Variants in FLRT2 observed in about 807,000 individuals in gnomAD.
FLRT2 encodes fibronectin leucine rich transmembrane protein 2.
In FLRT2, 15 loss-of-function variants were observed where a neutral mutation model predicts 40.0. The ratio of observed to expected loss-of-function variants is 0.38; its 90% confidence interval spans 0.25 to 0.58. FLRT2 has a LOEUF of 0.58. FLRT2 is among the 20% of genes least tolerant of loss of function. The pLI is 0.71. For synonymous variants in FLRT2, 380 were observed against 336.8 expected, an observed-to-expected ratio of 1.13 and a Z score of -1.41; for missense variants, 726 against 840.0, an observed-to-expected ratio of 0.86 and a Z score of 1.68.
intron 1 of FLRT2, among the ~76,000 whole-genome samples, chr14:85,535,349 C>CT (rs975910925): frequency 2.9e-5 from 2 of 68,772 alleles, no homozygotes; most frequent in Non-Finnish European, 8.0e-5. Flanking sequence ...TGAAAAGCCC[C>CT]CCCCCAAAAA....
At chr14:85,545,751 G>A (rs924900601) in intron 1 of FLRT2, among the ~76,000 whole-genome samples, 5 of 152,198 alleles carry the variant, frequency 3.3e-5, no homozygotes, top group African/African-American at 4.8e-5. Flanking sequence ...GTGGATACAT[G>A]CCTAATGATT....
rs1400256071 is a variant in FLRT2 at position 85,628,534 on chromosome 14, G to A, written c.*5037G>A. 6.6e-6 allele frequency: 1 copy of A among 152,092 alleles called. No individual in the cohort carries two copies. Among genetic ancestry groups the A allele is most frequent in the South Asian group, 2.1e-4 (1 of 4,820 alleles). The allele number at this position is 152,092 out of a possible 1,614,324, so 9.4% of individuals were successfully genotyped here. A position where few individuals can be genotyped will look rare whatever the true frequency, so the allele number is the denominator to read the frequency against. On this transcript the variant is annotated 3_prime_UTR_variant, in exon 2 of 2. Coordinates refer to ENST00000330753, the MANE Select transcript of FLRT2 (RefSeq NM_013231.6). ...GCACATCTGTCCATCCTTTCAATAG[G>A]CACTCAAGGAAATGTATCTATTCAT...
intron 1 of FLRT2, among the ~76,000 whole-genome samples, chr14:85,594,756 G>T (rs1172971416): frequency 6.6e-6 from 1 of 152,074 alleles, no homozygotes; most frequent in Non-Finnish European, 1.5e-5. Context: ...CTGGAGTTAG[G>T]AACACGGACC....
At chr14:85,577,959 A>G (rs765836802) in intron 1 of FLRT2, among the ~76,000 whole-genome samples, 1 of 151,632 alleles carries the variant, frequency 6.6e-6, no homozygotes, top group African/African-American at 2.4e-5. Context: ...GCCTTTATTC[A>G]GGAAATGGCT....
In FLRT2 at chr14:85,626,768, A is replaced by G. The variant is rs1488393799; in HGVS notation, c.*3271A>G. On this transcript the variant is annotated 3_prime_UTR_variant, in exon 2 of 2. Coordinates refer to ENST00000330753, the MANE Select transcript of FLRT2 (RefSeq NM_013231.6). ...AATAATGCAATTTCTAATTATCTGG[A>G]TGTTCGTTGAAAATATATTAGACAT... 6.0e-6 allele frequency: 1 copy of G among 167,078 alleles called. No homozygotes were observed. Among genetic ancestry groups the G allele is most frequent in the Non-Finnish European group, 1.5e-5 (1 of 68,118 alleles). 10.3% of individuals were successfully genotyped at this position (167,078 alleles called of 1,614,324 possible). A position where few individuals can be genotyped will look rare whatever the true frequency, so the allele number is the denominator to read the frequency against.
chr14:85,605,801 G>A lies in FLRT2; in HGVS notation c.-376-15338G>A, dbSNP rs74331692. ...ATAAATAAATAAAATAAAATAACTT[G>A]TACACAGAAACATCAAATTGGACAT... On this transcript the variant is annotated intron_variant, in intron 1 of 1. Coordinates refer to ENST00000330753, the MANE Select transcript of FLRT2 (RefSeq NM_013231.6). Among the ~76,000 whole-genome samples, 1,466 of 152,062 alleles carry A rather than the reference G, an allele frequency of 9.6e-3. 23 individuals are homozygous for A. The highest frequency in any genetic ancestry group is 0.032 in the African/African-American group (1,344 of 41,478).
intron 1 of FLRT2, among the ~76,000 whole-genome samples, 162 bp from the exon 2 acceptor site, chr14:85,620,977 T>G (rs1365996425): frequency 6.6e-6 from 1 of 152,264 alleles, no homozygotes; most frequent in Non-Finnish European, 1.5e-5. Flanking sequence ...TTGAATACCT[T>G]TTCAAGTAAG....
At position 85,645,498 on chromosome 14, in the gene FLRT2, T is replaced by A. The variant is rs574865657; in HGVS notation, c.*22001T>A. On this transcript the variant is annotated 3_prime_UTR_variant, in exon 2 of 2. Transcript: ENST00000330753. The stretch of plus-strand genomic sequence containing the variant: ...TCCAAGTGAGCAGGTCTTTGAATGG[T>A]ACATCTATTTGTTCACTCTGCTTGG... The A allele has an allele frequency of 1.1e-4, 17 of 152,224 alleles. No individual in the cohort carries two copies. The East Asian group carries it at 3.3e-3, about 30-fold the overall frequency. 9.4% of individuals were successfully genotyped at this position (152,224 alleles called of 1,614,324 possible).
rs1163293443 is a variant in FLRT2 at position 85,638,537 on chromosome 14, G to C, written c.*15040G>C. Reference sequence around the variant, plus strand: ...CAGCTGCAAAAACCCTCCCAAGTAAGCCTCTTGTATGCTACTCTGTCTCAG... The same window carrying C: ...CAGCTGCAAAAACCCTCCCAAGTAACCCTCTTGTATGCTACTCTGTCTCAG... On this transcript the variant is annotated 3_prime_UTR_variant, in exon 2 of 2. Coordinates refer to ENST00000330753, the MANE Select transcript of FLRT2 (RefSeq NM_013231.6). 2.0e-5 allele frequency: 3 copies of C among 152,170 alleles called. No homozygotes were observed. Among genetic ancestry groups the C allele is most frequent in the Admixed American group, 2.0e-4 (3 of 15,260 alleles). The allele number at this position is 152,170 out of a possible 1,614,324, so 9.4% of individuals were successfully genotyped here.
chr14:85,537,504 C>T (rs1441833033), intron 1 of FLRT2, among the ~76,000 whole-genome samples: 1 of 152,082 alleles, frequency 6.6e-6, no homozygotes, highest in Admixed American at 6.6e-5. Flanking sequence ...TTATATCTTT[C>T]TTCTAAAACT....
intron 1 of FLRT2, among the ~76,000 whole-genome samples, chr14:85,588,688 G>T (rs1891748663): frequency 6.6e-6 from 1 of 151,988 alleles, no homozygotes; most frequent in African/African-American, 2.4e-5. Flanking sequence ...TCACCCCGTT[G>T]TGCTGTCAAA....
intron 1 of FLRT2, among the ~76,000 whole-genome samples, chr14:85,580,984 A>AT (rs1352101471): frequency 1.3e-5 from 2 of 152,156 alleles, no homozygotes; most frequent in Non-Finnish European, 2.9e-5. Flanking sequence ...CATAGTGATG[A>AT]TTCAGGTTTC....
At chr14:85,608,430 C>T (rs914371087) in intron 1 of FLRT2, among the ~76,000 whole-genome samples, 16 of 152,080 alleles carry the variant, frequency 1.1e-4, no homozygotes, top group Admixed American at 2.0e-4. Flanking sequence ...GACTGGGTTT[C>T]GCCATTTTGA....
chr14:85,541,185 A>G (rs1421318380), intron 1 of FLRT2, among the ~76,000 whole-genome samples: 2 of 152,226 alleles, frequency 1.3e-5, no homozygotes, highest in Non-Finnish European at 1.5e-5. Flanking sequence ...CAGAAAATAT[A>G]TTTAAGTCTG....
At chr14:85,618,142 C>T (rs752849340) in intron 1 of FLRT2, among the ~76,000 whole-genome samples, 2 of 152,120 alleles carry the variant, frequency 1.3e-5, no homozygotes, top group African/African-American at 2.4e-5. Flanking sequence ...TTGGTTTGCT[C>T]CCAGTGTTAA....
Position 85,622,934 on chromosome 14 carries a change from G to A in FLRT2, c.1420G>A (p.Glu474Lys), listed in dbSNP as rs1292811461. The A allele has an allele frequency of 1.2e-6, 2 of 1,614,208 alleles. No homozygotes were observed. The highest frequency in any genetic ancestry group is 1.7e-5 in the Admixed American group (1 of 60,022). ...GIVQERIVSG[E>K]KQHLSLVNLE... ...CGTTCAGGAGCGCATAGTCAGCGGT[G>A]AGAAGCAACACCTGAGCCTGGTTAA... Residue 474 changes from glutamate (E) to lysine (K), a missense_variant, in exon 2 of 2, where the codon GAG becomes AAG. Coordinates refer to ENST00000330753, the MANE Select transcript of FLRT2 (RefSeq NM_013231.6).
chr14:85,593,241 T>G (rs1891983598), intron 1 of FLRT2, among the ~76,000 whole-genome samples: 1 of 152,238 alleles, frequency 6.6e-6, no homozygotes, highest in East Asian at 1.9e-4. Flanking sequence ...AAGCATGGGT[T>G]GCTTTCAAAT....
Position 85,622,554 on chromosome 14 carries a change from G to C in FLRT2, c.1040G>C (p.Gly347Ala). 6.2e-7 allele frequency: 1 copy of C among 1,613,848 alleles called. No individual in the cohort carries two copies. The highest frequency in any genetic ancestry group is 8.5e-7 in the Non-Finnish European group (1 of 1,180,000). ...TGCCAAGGTCCTGAACAAGTCCGGG[G>C]GATGGCCGTCAGGGAATTAAATATG... ...FMCQGPEQVR[G>A]MAVRELNMNL... The change falls in exon 2 of 2, where the codon GGG becomes GCG. Residue 347 changes from glycine (G) to alanine (A), a missense_variant. Gly to Ala is a moderately conservative substitution (Grantham distance 60). Transcript: ENST00000330753.
At chr14:85,604,611 A>G (rs766817995) in intron 1 of FLRT2, among the ~76,000 whole-genome samples, 2 of 152,154 alleles carry the variant, frequency 1.3e-5, no homozygotes, top group Non-Finnish European at 2.9e-5. Context: ...AAAAAAAATC[A>G]GAAGCATTTA....
Sources: gnomAD v4.1 joint callset for allele counts (sites outside exome capture counted in the v4.1 genomes callset) on GRCh38, gnomAD v4.1.1 for gene constraint, MANE v1.5 for transcripts, NCBI Gene and HGNC (gene_info 2026-07-23, HGNC 2026-07-21) for gene names.